Variants in GRIK2 observed in about 807,000 individuals in gnomAD.
GRIK2 encodes the protein glutamate receptor ionotropic, kainate 2.
GRIK2 carries 32 observed loss-of-function variants against 100.3 expected under a neutral mutation model. That is an observed-to-expected ratio of 0.32 (90% CI 0.24 to 0.43). GRIK2 has a LOEUF of 0.43. Ranked by LOEUF, GRIK2 falls within the 20% of genes least tolerant of loss-of-function variation. The pLI is 1.00. For missense variants in GRIK2, 843 were observed against 1,114.9 expected (o/e 0.76, Z 3.47); for synonymous variants, 417 against 389.4 (o/e 1.07, Z -0.83).
At chr6:101,515,075 A>G (rs931080541) in intron 2 of GRIK2, among the ~76,000 whole-genome samples, 1 of 152,080 alleles carries the variant, frequency 6.6e-6, no homozygotes, top group Admixed American at 6.6e-5. Flanking sequence ...AAGTCCCCAG[A>G]GTCCACTGTA....
chr6:101,922,119 CCTT>C (rs1338855596), intron 12 of GRIK2, among the ~76,000 whole-genome samples: 334 of 15,852 alleles, frequency 0.021, 8 homozygotes, highest in African/African-American at 0.066. Context: ...TTCCTTCCTT[CCTT>C]CCTTCCTTCC....
chr6:101,917,776 A>T (rs566791661), intron 12 of GRIK2, among the ~76,000 whole-genome samples: 1 of 151,756 alleles, frequency 6.6e-6, no homozygotes, highest in South Asian at 2.1e-4. Flanking sequence ...TCAAATTTTG[A>T]ATTTTTAAAT....
chr6:101,575,098 G>A (rs1002539059), intron 2 of GRIK2, among the ~76,000 whole-genome samples: 4 of 151,284 alleles, frequency 2.6e-5, no homozygotes, highest in African/African-American at 9.7e-5. Context: ...TAATTTTATT[G>A]CCTCTTACCT....
chr6:101,666,492 C>T (rs1346829905), intron 4 of GRIK2, among the ~76,000 whole-genome samples: 1 of 152,216 alleles, frequency 6.6e-6, no homozygotes, highest in African/African-American at 2.4e-5. Context: ...AAGCCTCTAC[C>T]ATGAATCACA....
intron 7 of GRIK2, among the ~76,000 whole-genome samples, chr6:101,761,775 C>CCCTCCCTCCCTT (rs1777690973): frequency 8.0e-6 from 1 of 124,408 alleles, no homozygotes; most frequent in Admixed American, 8.5e-5. Context: ...CCATTTCCCT[C>CCCTCCCTCCCTT]CCTCCCTCCC....
At chr6:101,759,845 A>ATTTTTTTTTTTTTATT (rs1562363048) in intron 7 of GRIK2, among the ~76,000 whole-genome samples, 30 of 147,760 alleles carry the variant, frequency 2.0e-4, no homozygotes, top group African/African-American at 6.7e-4. Context: ...TAAATGCAGC[A>ATTTTTTTTTTTTTATT]TTTTATTTTT....
chr6:102,058,524 C>T (rs765560753), intron 16 of GRIK2, among the ~76,000 whole-genome samples: 19 of 151,432 alleles, frequency 1.3e-4, no homozygotes, highest in Middle Eastern at 6.4e-3. Flanking sequence ...TTTATTTATT[C>T]TGATAAATTA....
intron 14 of GRIK2, among the ~76,000 whole-genome samples, chr6:102,028,826 CT>C: frequency 1.3e-5 from 2 of 150,642 alleles, no homozygotes; most frequent in Middle Eastern, 3.5e-3. Context: ...TCTATTTTCA[CT>C]TTTTTTTAAG....
chr6:101,458,147 T>A (rs1354087956), intron 2 of GRIK2, among the ~76,000 whole-genome samples: 1 of 152,022 alleles, frequency 6.6e-6, no homozygotes, highest in Non-Finnish European at 1.5e-5. Context: ...TGGATTAAAA[T>A]ATTTTTGTTG....
At chr6:101,799,924 G>T (rs1780567905) in intron 8 of GRIK2, 133 bp downstream of exon 8, 2 of 671,250 alleles carry the variant, frequency 3.0e-6, no homozygotes, top group Non-Finnish European at 2.5e-6. Context: ...CTCCAAATAA[G>T]CAAAATTAAC....
chr6:101,554,647 C>T (rs1776656715), intron 2 of GRIK2, among the ~76,000 whole-genome samples: 1 of 152,084 alleles, frequency 6.6e-6, no homozygotes, highest in African/African-American at 2.4e-5. Context: ...TTGAAATTCT[C>T]TGTTAATGGG....
intron 12 of GRIK2, among the ~76,000 whole-genome samples, chr6:101,913,207 C>T (rs927163297): frequency 6.6e-6 from 1 of 151,540 alleles, no homozygotes; most frequent in Non-Finnish European, 1.5e-5. Flanking sequence ...TAATAAAATA[C>T]ACACGGAAGA....
At chr6:101,942,061 G>C (rs996433874) in intron 14 of GRIK2, among the ~76,000 whole-genome samples, 1 of 151,916 alleles carries the variant, frequency 6.6e-6, no homozygotes, top group Non-Finnish European at 1.5e-5. Flanking sequence ...TTTATTACAA[G>C]ATGGTCACGA....
intron 2 of GRIK2, among the ~76,000 whole-genome samples, chr6:101,574,369 TA>T (rs1173069875): frequency 1.4e-5 from 2 of 147,844 alleles, no homozygotes; most frequent in Admixed American, 6.8e-5. Context: ...TACTTATATA[TA>T]AATATATAAA....
chr6:101,943,642 T>A (rs1471308814), intron 14 of GRIK2, among the ~76,000 whole-genome samples: 3 of 152,170 alleles, frequency 2.0e-5, no homozygotes, highest in Non-Finnish European at 4.4e-5. Flanking sequence ...ACTTTAAGAT[T>A]TAATGACTGC....
At chr6:101,790,168 T>C (rs1197168938) in intron 7 of GRIK2, among the ~76,000 whole-genome samples, 1 of 152,102 alleles carries the variant, frequency 6.6e-6, no homozygotes, top group African/African-American at 2.4e-5. Context: ...ACAATTTGAC[T>C]TCCTCTTTTC....
intron 11 of GRIK2, among the ~76,000 whole-genome samples, chr6:101,874,857 C>T (rs1785706984): frequency 6.6e-6 from 1 of 152,058 alleles, no homozygotes; most frequent in Admixed American, 6.6e-5. Flanking sequence ...CTCTTAGAAG[C>T]AATTGTGAAT....
At chr6:101,620,756 G>A (rs1054574668) in intron 2 of GRIK2, among the ~76,000 whole-genome samples, 1 of 152,138 alleles carries the variant, frequency 6.6e-6, no homozygotes, top group African/African-American at 2.4e-5. Flanking sequence ...GTTTCCTAAG[G>A]ACAGAGGTTG....
At chr6:101,857,398 G>A (rs965432949) in intron 10 of GRIK2, among the ~76,000 whole-genome samples, 4 of 152,184 alleles carry the variant, frequency 2.6e-5, no homozygotes, top group African/African-American at 9.7e-5. Flanking sequence ...AGGCTGCAGG[G>A]TGCATACAAC....
Sources: allele counts gnomAD v4.1 joint callset (sites outside exome capture counted in the v4.1 genomes callset), GRCh38; gene constraint gnomAD v4.1.1; transcripts MANE v1.5; gene names NCBI Gene and HGNC (gene_info 2026-07-23, HGNC 2026-07-21).